Variants in PAXBP1 observed in about 807,000 individuals in gnomAD.
PAXBP1 encodes the protein PAX3- and PAX7-binding protein 1.
PAXBP1 carries 44 observed loss-of-function variants against 119.9 expected under a neutral mutation model. The ratio of observed to expected loss-of-function variants is 0.37; its 90% CI spans 0.29 to 0.47. The LOEUF (loss-of-function observed/expected upper bound fraction) is 0.47. Ranked by LOEUF, PAXBP1 falls within the 20% of genes least tolerant of loss-of-function variation. PAXBP1 has a pLI of 0.99. For synonymous variants in PAXBP1, 393 were observed against 406.6 expected (o/e 0.97, Z 0.40); for missense variants, 898 against 1,134.1 (o/e 0.79, Z 2.99).
intron 6 of PAXBP1, 140 bp downstream of exon 6, chr21:32,759,637 A>C (rs894477893): frequency 5.3e-6 from 4 of 750,702 alleles, no homozygotes; most frequent in African/African-American, 5.3e-5. Context: ...ACAAAGTATG[A>C]AGTCATCTTC....
At chr21:32,757,649 T>C (rs1283194926) in intron 7 of PAXBP1, among the ~76,000 whole-genome samples, 1 of 152,202 alleles carries the variant, frequency 6.6e-6, no homozygotes, top group Non-Finnish European at 1.5e-5. Context: ...TGTTTGCAAT[T>C]ATGAATGTCT....
Position 32,734,831 on chromosome 21 carries a change from T to C in PAXBP1, c.*119A>G. 1 of 747,840 alleles carries C rather than the reference T, an allele frequency of 1.3e-6. No homozygotes were observed. The highest frequency in any genetic ancestry group is 2.4e-6 in the Non-Finnish European group (1 of 421,108). The allele number at this position is 747,840 out of a possible 1,614,324, so 46.3% of individuals were successfully genotyped here. A position where few individuals can be genotyped will look rare whatever the true frequency, so the allele number is the denominator to read the frequency against. On this transcript the variant is annotated 3_prime_UTR_variant, in exon 18 of 18. Coordinates refer to ENST00000331923, the MANE Select transcript of PAXBP1 (RefSeq NM_016631.4). ...TCATTTAAGGACACAGTATTGAATA[T>C]AATGTTTTTTGTATTAAAACAAGAA...
chr21:32,764,564 T>C (rs1471249259), intron 2 of PAXBP1, 40 bp from the exon 3 acceptor site: 3 of 1,446,686 alleles, frequency 2.1e-6, no homozygotes, highest in Non-Finnish European at 1.9e-6. Context: ...AAAATAAAAT[T>C]CATAAATTAA....
rs140038172 is a variant in PAXBP1 at position 32,764,524 on chromosome 21, C to A, written c.473G>T (p.Ser158Ile). Residue 158 changes from serine to isoleucine, a missense_variant and splice_region_variant, in exon 3 of 18, where the codon AGT becomes ATT. Physicochemically the swap from Ser to Ile is moderately radical, Grantham distance 142 (BLOSUM62 -2). Transcript: ENST00000331923. ...IKTELNSSAE[S>I]EQPLDKTGHV... ...TCCTGTTTTGTCCAAAGGTTGTTCA[C>A]CTAAATTTTTGAAGAATTAAAATAT... 6 of 1,571,524 alleles carry A rather than the reference C, an allele frequency of 3.8e-6. No individual in the cohort carries two copies. In the African/African-American group the frequency reaches 6.8e-5, roughly 18 times the overall value.
intron 15 of PAXBP1, chr21:32,741,459 A>G: frequency 5.6e-6 from 4 of 712,066 alleles, no homozygotes; most frequent in South Asian, 1.6e-5. Context: ...TTAACGAAAT[A>G]TGTACAGGCA....
chr21:32,735,953 G>A (rs189377371), intron 17 of PAXBP1, among the ~76,000 whole-genome samples: 21 of 152,336 alleles, frequency 1.4e-4, no homozygotes, highest in Non-Finnish European at 1.2e-4. Context: ...CAAAGCAGGT[G>A]CTTACATAGC....
chr21:32,739,261 C>T lies in PAXBP1; in HGVS notation c.2335-942G>A, dbSNP rs143645130. 5.3e-5 allele frequency among the ~76,000 whole-genome samples: 8 copies of T among 152,288 alleles called. No individual in the cohort carries two copies. In the East Asian group the frequency reaches 1.3e-3, roughly 26 times the overall value. ...CTTAGGGCATTAGGTATTAAGTCTC[C>T]CACAGAAGCCCAGTTGAGAAGAGCA... On this transcript the variant is annotated intron_variant, in intron 15 of 17. Transcript: ENST00000331923.
intron 2 of PAXBP1, among the ~76,000 whole-genome samples, chr21:32,768,706 A>C (rs532833918): frequency 4.1e-4 from 62 of 152,352 alleles, no homozygotes; most frequent in African/African-American, 1.4e-3. Flanking sequence ...AAACGCATTT[A>C]TCATGTCACC....
intron 17 of PAXBP1, among the ~76,000 whole-genome samples, 193 bp from the exon 18 acceptor site, chr21:32,735,260 C>G (rs558925819): frequency 6.6e-6 from 1 of 151,446 alleles, no homozygotes; most frequent in African/African-American, 2.4e-5. Flanking sequence ...TAGAACAAAA[C>G]TTACATATGT....
At position 32,771,581 on chromosome 21, in the gene PAXBP1, G is replaced by GCGGCTC; in HGVS notation, c.82_87dup (p.Glu28_Pro29dup). ...GTGCCCGGCGGCGGCAACAACGGCG[G>GCGGCTC]CGGCTCCTGCTCCTCATCGCGTTCC... On this transcript the variant is annotated inframe_insertion, in exon 1 of 18. Coordinates refer to ENST00000331923, the MANE Select transcript of PAXBP1 (RefSeq NM_016631.4). 1 of 1,441,210 alleles carries GCGGCTC rather than the reference G, an allele frequency of 6.9e-7. No homozygotes were observed. The highest frequency in any genetic ancestry group is 1.3e-5 in the South Asian group (1 of 74,424). The allele number at this position is 1,441,210 out of a possible 1,614,324, so 89.3% of individuals were successfully genotyped here. A position where few individuals can be genotyped will look rare whatever the true frequency, so the allele number is the denominator to read the frequency against.
chr21:32,761,047 C>A lies in PAXBP1; in HGVS notation c.975+12G>T, dbSNP rs757422213. 1.3e-6 allele frequency: 2 copies of A among 1,580,440 alleles called. No homozygotes were observed. Among genetic ancestry groups the A allele is most frequent in the African/African-American group, 2.7e-5 (2 of 72,880 alleles). On this transcript the variant is annotated intron_variant, in intron 5 of 17. Transcript: ENST00000331923. The stretch of plus-strand genomic sequence containing the variant: ...TCTACTTTTAATTTTTAGTTTAATT[C>A]TTTTGTCGTACCTGAGGGATATTAA...
At chr21:32,746,147 C>G (rs1018151433) in intron 11 of PAXBP1, among the ~76,000 whole-genome samples, 4 of 152,106 alleles carry the variant, frequency 2.6e-5, no homozygotes, top group African/African-American at 9.7e-5. Context: ...AATGTAAACC[C>G]CAAAACTATA....
At chr21:32,738,859 T>G (rs935383035) in intron 15 of PAXBP1, among the ~76,000 whole-genome samples, 1 of 152,184 alleles carries the variant, frequency 6.6e-6, no homozygotes, top group Non-Finnish European at 1.5e-5. Flanking sequence ...TAAAAACTTA[T>G]AGTTTCCCAG....
chr21:32,738,122 A>T (rs779846869), intron 16 of PAXBP1, 51 bp downstream of exon 16: 2 of 1,459,414 alleles, frequency 1.4e-6, no homozygotes, highest in Non-Finnish European at 1.8e-6. Context: ...ACAAAAACTT[A>T]ATTCATTTTA....
intron 8 of PAXBP1, among the ~76,000 whole-genome samples, chr21:32,753,720 G>A (rs1222532279): frequency 2.0e-5 from 3 of 152,150 alleles, no homozygotes; most frequent in African/African-American, 7.2e-5. Flanking sequence ...CTCTAGGACT[G>A]TATTTTTCAC....
chr21:32,771,184 G>A, intron 1 of PAXBP1, 142 bp downstream of exon 1: 3 of 807,768 alleles, frequency 3.7e-6, no homozygotes, highest in Non-Finnish European at 5.4e-6. Context: ...GCCGGAGGCT[G>A]GGGAAGATTC....
chr21:32,744,140 T>G (rs2043832552), intron 13 of PAXBP1, among the ~76,000 whole-genome samples: 1 of 151,966 alleles, frequency 6.6e-6, no homozygotes, highest in Non-Finnish European at 1.5e-5. Flanking sequence ...CAGTATCTAG[T>G]TGTTTTATAT....
intron 7 of PAXBP1, chr21:32,756,370 T>A: frequency 1.9e-6 from 1 of 513,698 alleles, no homozygotes; most frequent in South Asian, 1.5e-5. Context: ...CTGAACAGAC[T>A]GCAAATGGAA....
chr21:32,759,261 G>A lies in PAXBP1; in HGVS notation c.1202C>T (p.Ser401Phe), dbSNP rs1344530215. 1.5e-5 allele frequency: 24 copies of A among 1,613,468 alleles called. No individual in the cohort carries two copies. The highest frequency in any genetic ancestry group is 5.3e-5 in the African/African-American group (4 of 74,856). Reference sequence around the variant, plus strand: ...ATTTGTTTTGTGCAATTCTTTCATGGAGTCCAACCTTAGGAACACAAAAGG... The same window carrying A: ...ATTTGTTTTGTGCAATTCTTTCATGAAGTCCAACCTTAGGAACACAAAAGG... The part of the protein sequence containing the change: ...VKKQLKDRLD[S>F]MKELHKTNRQ... The change falls in exon 7 of 18, where the codon TCC (serine) becomes TTC (phenylalanine). Residue 401 changes from serine to phenylalanine, a missense_variant. Transcript: ENST00000331923.
Sources: allele counts gnomAD v4.1 joint callset (sites outside exome capture counted in the v4.1 genomes callset), GRCh38; gene constraint gnomAD v4.1.1; transcripts MANE v1.5; gene names NCBI Gene and HGNC (gene_info 2026-07-23, HGNC 2026-07-21).